Variants in ASTN2 observed in about 807,000 individuals in gnomAD.
ASTN2 encodes astrotactin 2.
Under a neutral mutation model 139.8 loss-of-function variants are expected in ASTN2, and 54 were observed. The observed-to-expected ratio is 0.39, with a 90% CI of 0.31 to 0.48. The LOEUF is 0.48. ASTN2 is among the 20% of genes least tolerant of loss of function. The pLI, the probability that ASTN2 is intolerant of heterozygous loss-of-function variation, is 0.95. For synonymous variants in ASTN2, 756 were observed against 719.5 expected (o/e 1.05, Z -0.81); for missense variants, 1,565 against 1,725.1 (o/e 0.91, Z 1.64).
intron 5 of ASTN2, among the ~76,000 whole-genome samples, chr9:117,047,703 C>G (rs137910186): frequency 2.0e-5 from 3 of 152,134 alleles, no homozygotes; most frequent in Admixed American, 6.5e-5. Flanking sequence ...AATTAGGTTG[C>G]CTTGAGCTTT....
chr9:116,967,282 T>C (rs763575668), intron 10 of ASTN2, among the ~76,000 whole-genome samples: 2 of 152,152 alleles, frequency 1.3e-5, no homozygotes, highest in African/African-American at 2.4e-5. Context: ...GCTCACAAAG[T>C]TTACCTTACC....
intron 5 of ASTN2, among the ~76,000 whole-genome samples, chr9:117,056,697 G>A (rs1839074649): frequency 6.6e-6 from 1 of 152,186 alleles, no homozygotes; most frequent in Non-Finnish European, 1.5e-5. Flanking sequence ...CTCCCTGGAA[G>A]CCCCTATGTT....
intron 2 of ASTN2, among the ~76,000 whole-genome samples, chr9:117,272,235 A>G (rs1408229567): frequency 6.6e-6 from 1 of 152,328 alleles, no homozygotes; most frequent in Non-Finnish European, 1.5e-5. Context: ...TCAACCCTCT[A>G]AAGCCACAGG....
chr9:116,512,084 A>G (rs893706473), intron 19 of ASTN2, among the ~76,000 whole-genome samples: 3 of 151,996 alleles, frequency 2.0e-5, no homozygotes, highest in Non-Finnish European at 4.4e-5. Flanking sequence ...TAGTTCTTTA[A>G]TTATGATGTT....
chr9:116,591,107 C>T (rs1019637571), intron 19 of ASTN2, among the ~76,000 whole-genome samples: 2 of 152,216 alleles, frequency 1.3e-5, no homozygotes, highest in African/African-American at 2.4e-5. Context: ...AAAGACACCC[C>T]TTGCTCACCA....
intron 2 of ASTN2, among the ~76,000 whole-genome samples, chr9:117,222,687 C>T (rs1291394550): frequency 6.6e-6 from 1 of 152,146 alleles, no homozygotes; most frequent in Non-Finnish European, 1.5e-5. Flanking sequence ...TTCAATGCAT[C>T]TACTTTATGA....
intron 16 of ASTN2, among the ~76,000 whole-genome samples, chr9:116,681,043 G>A (rs1190325685): frequency 3.3e-5 from 5 of 152,118 alleles, no homozygotes. Flanking sequence ...GCAGGAGAAG[G>A]AAATAAAGGG....
At chr9:116,623,904 T>C (rs1021080730) in intron 17 of ASTN2, among the ~76,000 whole-genome samples, 1 of 152,106 alleles carries the variant, frequency 6.6e-6, no homozygotes, top group African/African-American at 2.4e-5. Context: ...TGCTTATGTG[T>C]GTGCATGTGT....
At chr9:117,355,339 CA>C (rs1193088074) in intron 1 of ASTN2, among the ~76,000 whole-genome samples, 1 of 152,140 alleles carries the variant, frequency 6.6e-6, no homozygotes, top group Non-Finnish European at 1.5e-5. Context: ...CAAGTGAGGA[CA>C]AAAATAATAC....
chr9:116,447,899 G>A (rs1205002781), intron 20 of ASTN2, among the ~76,000 whole-genome samples: 2 of 152,160 alleles, frequency 1.3e-5, no homozygotes, highest in African/African-American at 4.8e-5. Context: ...AGGGTGGGTA[G>A]AAAGGAAGCT....
intron 2 of ASTN2, among the ~76,000 whole-genome samples, chr9:117,220,235 T>C (rs1023205369): frequency 1.3e-5 from 2 of 152,104 alleles, no homozygotes; most frequent in Non-Finnish European, 2.9e-5. Context: ...CTTAAAATAA[T>C]GTCCAGGTTC....
intron 19 of ASTN2, among the ~76,000 whole-genome samples, chr9:116,576,720 C>G (rs2131701854): frequency 6.6e-6 from 1 of 152,288 alleles, no homozygotes; most frequent in South Asian, 2.1e-4. Flanking sequence ...CCTTCTTACC[C>G]CCTTCCCAAA....
At chr9:117,372,217 A>G (rs973527564) in intron 1 of ASTN2, among the ~76,000 whole-genome samples, 1 of 152,196 alleles carries the variant, frequency 6.6e-6, no homozygotes. Flanking sequence ...TCCTTGGCAC[A>G]TTAGCCCTGC....
Position 117,102,489 on chromosome 9 carries a change from C to T in ASTN2, c.1169-6338G>A, listed in dbSNP as rs367640289. 7.9e-5 allele frequency among the ~76,000 whole-genome samples: 12 copies of T among 152,128 alleles called. No homozygotes were observed. The East Asian group carries it at 2.3e-3, about 29-fold the overall frequency. On this transcript the variant is annotated intron_variant, in intron 4 of 22. Coordinates refer to ENST00000313400, the MANE Select transcript of ASTN2 (RefSeq NM_001365068.1). ...ATGGCTGTACAACCTTGTGAATGTACTAAATGCCACTGAATTATACACTTT... is the reference window on the plus strand; with the variant it reads ...ATGGCTGTACAACCTTGTGAATGTATTAAATGCCACTGAATTATACACTTT...
At chr9:117,063,952 G>C (rs533324325) in intron 5 of ASTN2, among the ~76,000 whole-genome samples, 1 of 151,898 alleles carries the variant, frequency 6.6e-6, no homozygotes, top group South Asian at 2.1e-4. Flanking sequence ...CTATCCACTG[G>C]GGCTGCTCCA....
intron 1 of ASTN2, among the ~76,000 whole-genome samples, chr9:117,379,954 C>T (rs1014565740): frequency 1.3e-5 from 2 of 152,062 alleles, no homozygotes; most frequent in Non-Finnish European, 2.9e-5. Context: ...TTACAAAGAT[C>T]AATCTGACAA....
At chr9:116,976,881 G>A in intron 7 of ASTN2, 96 bp from the exon 8 acceptor site, 1 of 1,112,348 alleles carries the variant, frequency 9.0e-7, no homozygotes, top group Non-Finnish European at 1.3e-6. Flanking sequence ...AAAGTGAGCT[G>A]CTTAGTTTTA....
At chr9:117,217,987 G>A (rs940077266) in intron 2 of ASTN2, among the ~76,000 whole-genome samples, 7 of 152,140 alleles carry the variant, frequency 4.6e-5, no homozygotes, top group Admixed American at 2.6e-4. Context: ...AGAGACAAAC[G>A]TCATTTACTC....
At chr9:117,118,476 A>G (rs1829459462) in intron 4 of ASTN2, among the ~76,000 whole-genome samples, 1 of 152,140 alleles carries the variant, frequency 6.6e-6, no homozygotes, top group African/African-American at 2.4e-5. Context: ...AGATGAAGCT[A>G]TCATCGTCTG....
Sources: allele counts gnomAD v4.1 joint callset (sites outside exome capture counted in the v4.1 genomes callset), GRCh38; gene constraint gnomAD v4.1.1; transcripts MANE v1.5; gene names NCBI Gene and HGNC (gene_info 2026-07-23, HGNC 2026-07-21).